Variants in TMOD2 observed in about 807,000 individuals in gnomAD.
TMOD2 encodes the protein tropomodulin-2.
In TMOD2, 22 loss-of-function variants were observed where a neutral mutation model predicts 39.9. The observed-to-expected ratio is 0.55, with a 90% CI of 0.39 to 0.79. TMOD2 has a LOEUF of 0.79. TMOD2 is among the 30% of genes least tolerant of loss of function. The pLI is 0.00. For synonymous variants in TMOD2, 123 were observed against 146.1 expected, an observed-to-expected ratio of 0.84 and a Z score of 1.14; for missense variants, 386 against 413.3, an observed-to-expected ratio of 0.93 and a Z score of 0.57.
At chr15:51,787,825 C>T (rs1295065622) in intron 7 of TMOD2, among the ~76,000 whole-genome samples, 3 of 152,214 alleles carry the variant, frequency 2.0e-5, no homozygotes, top group African/African-American at 7.2e-5. Context: ...ACAGTAAGCA[C>T]ATCCACACCA....
chr15:51,775,570 CTTTTTTTT>C lies in TMOD2; in HGVS notation c.407-1344_407-1337del, dbSNP rs869308022. On this transcript the variant is annotated intron_variant, in intron 4 of 9. Transcript: ENST00000249700. ...GAGACACAGTGACAAATTCTTTTTC[CTTTTTTTT>C]TTTTTTTTTTTTTTTTTGAGACGGA... Among the ~76,000 whole-genome samples the C allele has an allele frequency of 1.5e-4, 12 of 81,210 alleles. No homozygotes were observed. In the East Asian group the frequency reaches 2.0e-3, roughly 14 times the overall value. The allele number at this position is 81,210 out of a possible 152,430, so 53.3% of individuals were successfully genotyped here.
chr15:51,801,623 A>G (rs924203834), intron 8 of TMOD2, among the ~76,000 whole-genome samples: 1 of 152,202 alleles, frequency 6.6e-6, no homozygotes, highest in Admixed American at 6.5e-5. Flanking sequence ...CTCCAGGTCA[A>G]TGTGCAGTGA....
At position 51,798,181 on chromosome 15, in the gene TMOD2, C is replaced by A; in HGVS notation, c.733-16C>A. 6.4e-7 allele frequency: 1 copy of A among 1,554,946 alleles called. No homozygotes were observed. ...TCTAACTTAATTCTAAGTTTTTTTT[C>A]TTTTTGCATCATAAGGCTTTTGCAG... On this transcript the variant is annotated splice_polypyrimidine_tract_variant and intron_variant, in intron 7 of 9. Transcript: ENST00000249700.
intron 7 of TMOD2, among the ~76,000 whole-genome samples, chr15:51,796,059 CTTAA>C (rs1317364196): frequency 1.3e-5 from 2 of 149,326 alleles, no homozygotes; most frequent in South Asian, 2.1e-4. Context: ...TGTTGGTTTT[CTTAA>C]AATGTCTGGC....
At chr15:51,780,858 G>A (rs1168769327) in intron 5 of TMOD2, among the ~76,000 whole-genome samples, 186 bp from the exon 6 acceptor site, 2 of 152,176 alleles carry the variant, frequency 1.3e-5, no homozygotes, top group African/African-American at 4.8e-5. Context: ...AGAAACACCA[G>A]CCTTCCAAGC....
intron 1 of TMOD2, among the ~76,000 whole-genome samples, chr15:51,758,307 T>C (rs570836160): frequency 6.6e-6 from 1 of 152,308 alleles, no homozygotes; most frequent in Admixed American, 6.5e-5. Flanking sequence ...GCACTTATTT[T>C]CTGGGAGTTT....
chr15:51,757,784 T>C (rs1423014862), intron 1 of TMOD2, among the ~76,000 whole-genome samples: 2 of 152,174 alleles, frequency 1.3e-5, no homozygotes, highest in Non-Finnish European at 2.9e-5. Flanking sequence ...AGCCATGAGC[T>C]GGAAAAGCTT....
intron 9 of TMOD2, among the ~76,000 whole-genome samples, chr15:51,807,138 G>C (rs1423512202): frequency 6.6e-6 from 1 of 152,166 alleles, no homozygotes. Flanking sequence ...GGATATCCCA[G>C]CCACCTGGAG....
At chr15:51,752,818 T>C (rs1196462871) in intron 1 of TMOD2, 1 of 152,258 alleles carries the variant, frequency 6.6e-6, no homozygotes, top group East Asian at 1.9e-4. Context: ...CTGATTTTTT[T>C]TTAAAGATAA....
chr15:51,766,601 T>C, intron 2 of TMOD2, 34 bp downstream of exon 2: 1 of 1,606,514 alleles, frequency 6.2e-7, no homozygotes, highest in Non-Finnish European at 8.5e-7. Context: ...GAGTGGTTAA[T>C]GATAGTATGG....
intron 8 of TMOD2, among the ~76,000 whole-genome samples, chr15:51,799,479 C>T (rs529114482): frequency 6.6e-6 from 1 of 152,100 alleles, no homozygotes; most frequent in South Asian, 2.1e-4. Flanking sequence ...CAGTGCAGGC[C>T]CTCTGGCCCT....
intron 7 of TMOD2, among the ~76,000 whole-genome samples, chr15:51,786,153 A>G (rs1459730679): frequency 6.6e-6 from 1 of 152,006 alleles, no homozygotes; most frequent in African/African-American, 2.4e-5. Context: ...CCTTCATTCC[A>G]ATTCTAAGAT....
At chr15:51,779,514 G>A (rs1391935958) in intron 5 of TMOD2, among the ~76,000 whole-genome samples, 2 of 151,820 alleles carry the variant, frequency 1.3e-5, no homozygotes, top group Non-Finnish European at 2.9e-5. Flanking sequence ...CCCAGCAGCT[G>A]GGACTACAGG....
intron 7 of TMOD2, among the ~76,000 whole-genome samples, chr15:51,795,148 CG>C (rs1255566337): frequency 3.3e-5 from 5 of 152,016 alleles, no homozygotes; most frequent in African/African-American, 1.2e-4. Context: ...GGTCCGGGTG[CG>C]GTGGCTCACA....
chr15:51,759,383 AT>A (rs1443408328), intron 1 of TMOD2, among the ~76,000 whole-genome samples: 1 of 152,176 alleles, frequency 6.6e-6, no homozygotes, highest in African/African-American at 2.4e-5. Context: ...GAAGATACAG[AT>A]TTTGGAATCT....
rs2056146555 is a variant in TMOD2 at position 51,810,111 on chromosome 15, T to A, written c.*1657T>A. ...GTTTATGGCTTCATCTCCTTATCTA[T>A]TTAAAAAACATAGTAAATAATGTTT... On this transcript the variant is annotated 3_prime_UTR_variant, in exon 10 of 10. Coordinates refer to ENST00000249700, the MANE Select transcript of TMOD2 (RefSeq NM_014548.4). The A allele has an allele frequency of 1.4e-5, 2 of 142,290 alleles. No individual in the cohort carries two copies. Among genetic ancestry groups the A allele is most frequent in the Admixed American group, 1.5e-4 (2 of 13,454 alleles). 8.8% of individuals were successfully genotyped at this position (142,290 alleles called of 1,614,324 possible).
Position 51,777,079 on chromosome 15 carries a change from G to A in TMOD2, c.493+61G>A, listed in dbSNP as rs2055894685. 6.4e-6 allele frequency: 9 copies of A among 1,415,568 alleles called. No individual in the cohort carries two copies. In the East Asian group the frequency reaches 1.9e-4, roughly 29 times the overall value. The allele number at this position is 1,415,568 out of a possible 1,614,324, so 87.7% of individuals were successfully genotyped here. On this transcript the variant is annotated intron_variant, in intron 5 of 9. Transcript: ENST00000249700. ...TTGGAGCCTCCAGAGTTGCTGGTAG[G>A]AGAGAGGCCTGTTGAGTCTTGCAGG...
intron 8 of TMOD2, among the ~76,000 whole-genome samples, chr15:51,798,948 C>T (rs960399881): frequency 3.3e-5 from 5 of 152,334 alleles, no homozygotes; most frequent in Non-Finnish European, 5.9e-5. Context: ...TTGATCATGA[C>T]CACAGCATTT....
chr15:51,773,074 G>A (rs915151442), intron 3 of TMOD2, among the ~76,000 whole-genome samples: 1 of 152,132 alleles, frequency 6.6e-6, no homozygotes, highest in African/African-American at 2.4e-5. Context: ...AAACACACAT[G>A]TTGGACACCC....
Sources: gnomAD v4.1 joint callset for allele counts (sites outside exome capture counted in the v4.1 genomes callset) on GRCh38, gnomAD v4.1.1 for gene constraint, MANE v1.5 for transcripts, NCBI Gene and HGNC (gene_info 2026-07-23, HGNC 2026-07-21) for gene names.